STAT5B: variants seen among roughly 807,000 people sequenced by gnomAD.
STAT5B encodes the protein signal transducer and activator of transcription 5B.
A neutral mutation model predicts 107.8 loss-of-function variants in STAT5B; 21 were observed. That is an observed-to-expected ratio of 0.19 (90% CI 0.14 to 0.28). The LOEUF (loss-of-function observed/expected upper bound fraction) is 0.28. STAT5B is among the 10% of genes least tolerant of loss of function. STAT5B has a pLI of 1.00. For synonymous variants in STAT5B, 325 were observed against 401.7 expected, an observed-to-expected ratio of 0.81 and a Z score of 2.28; for missense variants, 565 against 1,008.2, an observed-to-expected ratio of 0.56 and a Z score of 5.95.
chr17:42,267,043 G>A (rs2080679156), intron 1 of STAT5B, among the ~76,000 whole-genome samples: 1 of 152,058 alleles, frequency 6.6e-6, no homozygotes, highest in South Asian at 2.1e-4. Context: ...ATAATAAAAC[G>A]TAGCTGAAAA....
At chr17:42,201,958 G>A (rs994368873) in intron 18 of STAT5B, 94 bp from the exon 19 acceptor site, 33 of 1,219,326 alleles carry the variant, frequency 2.7e-5, no homozygotes, top group Non-Finnish European at 3.7e-5. Context: ...GTCTGAGCCA[G>A]CCTATGCCCT....
chr17:42,272,435 T>C (rs927658122), intron 1 of STAT5B: 2 of 152,194 alleles, frequency 1.3e-5, no homozygotes, highest in African/African-American at 4.8e-5. Context: ...CTATACATTT[T>C]CCAAGTACCT....
At position 42,199,954 on chromosome 17, in the gene STAT5B, CCTT is replaced by C. The variant is rs902249171; in HGVS notation, c.*1781_*1783del. The stretch of plus-strand genomic sequence containing the variant: ...CTGGATCCCTGAGCAGGCAGGCTCT[CCTT>C]CTCACCCTTCCCCGATGCACCCATC... On this transcript the variant is annotated 3_prime_UTR_variant, in exon 19 of 19. Coordinates refer to ENST00000293328, the MANE Select transcript of STAT5B (RefSeq NM_012448.4). 1.3e-5 allele frequency: 2 copies of C among 152,402 alleles called. No individual in the cohort carries two copies. Among genetic ancestry groups the C allele is most frequent in the East Asian group, 1.9e-4 (1 of 5,322 alleles). 9.4% of individuals were successfully genotyped at this position (152,402 alleles called of 1,614,324 possible).
At chr17:42,251,467 G>A (rs540112419) in intron 1 of STAT5B, among the ~76,000 whole-genome samples, 26 of 152,190 alleles carry the variant, frequency 1.7e-4, no homozygotes, top group Middle Eastern at 3.4e-3. Flanking sequence ...GCTTTCTAAT[G>A]GCAGAAAACA....
chr17:42,209,594 G>A (rs2144217112), intron 15 of STAT5B, among the ~76,000 whole-genome samples: 1 of 152,288 alleles, frequency 6.6e-6, no homozygotes, highest in Admixed American at 6.5e-5. Flanking sequence ...TGTGGTCCCA[G>A]CTAATCGGGA....
Position 42,201,557 on chromosome 17 carries a change from C to A in STAT5B, c.*181G>T. ...ACACACACACACACACACACACAAA[C>A]ACATACTCGCACTCCCTTCGCTGGT... On this transcript the variant is annotated 3_prime_UTR_variant, in exon 19 of 19. Coordinates refer to ENST00000293328, the MANE Select transcript of STAT5B (RefSeq NM_012448.4). 3.0e-6 allele frequency: 2 copies of A among 673,938 alleles called. No homozygotes were observed. Among genetic ancestry groups the A allele is most frequent in the Admixed American group, 2.0e-5 (1 of 48,784 alleles). 41.7% of individuals were successfully genotyped at this position (673,938 alleles called of 1,614,324 possible). A position where few individuals can be genotyped will look rare whatever the true frequency, so the allele number is the denominator to read the frequency against.
At chr17:42,209,872 G>A (rs1163862065) in intron 15 of STAT5B, among the ~76,000 whole-genome samples, 1 of 152,166 alleles carries the variant, frequency 6.6e-6, no homozygotes, top group Admixed American at 6.5e-5. Context: ...AACATTTTAA[G>A]AGGGAAGCAA....
chr17:42,210,661 G>A lies in STAT5B; in HGVS notation c.1681-164C>T, dbSNP rs2080120870. The A allele has an allele frequency of 4.3e-6, 3 of 690,942 alleles. No homozygotes were observed. In the African/African-American group the frequency reaches 5.3e-5, roughly 12 times the overall value. 42.8% of individuals were successfully genotyped at this position (690,942 alleles called of 1,614,324 possible). A position where few individuals can be genotyped will look rare whatever the true frequency, so the allele number is the denominator to read the frequency against. The stretch of plus-strand genomic sequence containing the variant: ...GTTTTACCTAATGGCCCCATGGAGA[G>A]GAAAAGAGGGAAGAAGGGGAAAATA... On this transcript the variant is annotated intron_variant, in intron 13 of 18. Transcript: ENST00000293328.
chr17:42,236,717 G>A (rs148013449), intron 1 of STAT5B, among the ~76,000 whole-genome samples: 3 of 152,166 alleles, frequency 2.0e-5, no homozygotes, highest in Admixed American at 6.5e-5. Flanking sequence ...GATTACAGGC[G>A]TGAGCCAGCG....
rs1248681609 is a variant in STAT5B at position 42,260,197 on chromosome 17, A to G, written c.-11+16051T>C. Among the ~76,000 whole-genome samples the G allele has an allele frequency of 2.0e-5, 3 of 152,182 alleles. No individual in the cohort carries two copies. In the East Asian group the frequency reaches 5.8e-4, roughly 29 times the overall value. On this transcript the variant is annotated intron_variant, in intron 1 of 18. Coordinates refer to ENST00000293328, the MANE Select transcript of STAT5B (RefSeq NM_012448.4). ...AACTGGTGTTCAATTTAATACTTGG[A>G]AAACCTTTCAGTACGTTTGGAACAC...
chr17:42,284,133 T>C, the STAT5B span, among the ~76,000 whole-genome samples: 1 of 151,814 alleles, frequency 6.6e-6, no homozygotes, highest in East Asian at 1.9e-4. Context: ...CTGTACCACC[T>C]CCCTCCACCC....
intron 1 of STAT5B, among the ~76,000 whole-genome samples, chr17:42,256,849 G>A (rs1168232201): frequency 6.4e-5 from 7 of 109,702 alleles, no homozygotes; most frequent in East Asian, 2.8e-4. Context: ...GTGACAGAGC[G>A]AGACTCTGTC....
chr17:42,276,756 G>A (rs1301468281), upstream of STAT5B: 5 of 151,938 alleles, frequency 3.3e-5, no homozygotes, highest in African/African-American at 9.7e-5. This position sits in a 1 kb window ranked among gnomAD's most constrained non-coding sequence, Gnocchi z 4.8. Context: ...TGTCGTGGTC[G>A]TTTTGGTTGG....
At chr17:42,238,695 C>A (rs1029440477) in intron 1 of STAT5B, among the ~76,000 whole-genome samples, 2 of 151,650 alleles carry the variant, frequency 1.3e-5, no homozygotes, top group African/African-American at 4.8e-5. Context: ...TTGTGATCCA[C>A]CCACCTCGGC....
chr17:42,199,601 G>A lies in STAT5B; in HGVS notation c.*2137C>T, dbSNP rs754414220. ...AGAGAGAAGATAGAACGCAGAGAGCGAGCACACCTTTCATCAAAAATCTCC... is the reference window on the plus strand; with the variant it reads ...AGAGAGAAGATAGAACGCAGAGAGCAAGCACACCTTTCATCAAAAATCTCC... On this transcript the variant is annotated 3_prime_UTR_variant, in exon 19 of 19. Transcript: ENST00000293328. The A allele has an allele frequency of 3.3e-5, 5 of 152,276 alleles. No homozygotes were observed. The highest frequency in any genetic ancestry group is 6.6e-5 in the Admixed American group (1 of 15,256). 9.4% of individuals were successfully genotyped at this position (152,276 alleles called of 1,614,324 possible). A position where few individuals can be genotyped will look rare whatever the true frequency, so the allele number is the denominator to read the frequency against.
chr17:42,251,493 G>GA (rs1369888333), intron 1 of STAT5B, among the ~76,000 whole-genome samples: 1 of 152,088 alleles, frequency 6.6e-6, no homozygotes. Flanking sequence ...CATACAGGGG[G>GA]AAATGTCATT....
At chr17:42,274,653 T>G (rs1365725098) in intron 1 of STAT5B, among the ~76,000 whole-genome samples, 3 of 152,114 alleles carry the variant, frequency 2.0e-5, no homozygotes, top group Non-Finnish European at 2.9e-5. Context: ...ATATTTACAG[T>G]GTTACAAAAT....
chr17:42,201,509 A>G lies in STAT5B; in HGVS notation c.*229T>C. 4 of 633,826 alleles carry G rather than the reference A, an allele frequency of 6.3e-6. No individual in the cohort carries two copies. The highest frequency in any genetic ancestry group is 1.2e-5 in the Non-Finnish European group (4 of 347,686). 39.3% of individuals were successfully genotyped at this position (633,826 alleles called of 1,614,324 possible). On this transcript the variant is annotated 3_prime_UTR_variant, in exon 19 of 19. Coordinates refer to ENST00000293328, the MANE Select transcript of STAT5B (RefSeq NM_012448.4). ...TCAGACAGTGAGAGGGAGAAACACC[A>G]TAACGTGCAAACACGCACACACACA...
chr17:42,241,337 T>C (rs1362680852), intron 1 of STAT5B, among the ~76,000 whole-genome samples: 1 of 138,026 alleles, frequency 7.2e-6, no homozygotes. Context: ...TGAAACTCCA[T>C]CTCAAAAAAA....
Sources: gnomAD v4.1 joint callset for allele counts (sites outside exome capture counted in the v4.1 genomes callset) on GRCh38, gnomAD v4.1.1 for gene constraint, Gnocchi (gnomAD v3.1) non-coding constraint, MANE v1.5 for transcripts, NCBI Gene and HGNC (gene_info 2026-07-23, HGNC 2026-07-21) for gene names.